Variants in XIST observed in about 807,000 individuals in gnomAD.
XIST encodes the protein X inactive specific transcript.
chrX:73,840,885 T>G lies in XIST; in HGVS notation n.11342+497A>C, dbSNP rs147209476. Among the ~76,000 whole-genome samples, 723 of 111,608 alleles carry G rather than the reference T, an allele frequency of 6.5e-3. 9 individuals carry two copies. The highest frequency in any genetic ancestry group is 0.022 in the African/African-American group (679 of 30,809). On this transcript the variant is annotated intron_variant and non_coding_transcript_variant, in intron 1 of 5. Coordinates refer to ENST00000429829, the Ensembl canonical transcript of XIST. ...ACAAATGAAATTAAAATAAACCAAC[T>G]GGACTATCCAGATGGCTGCAATATT...
At chrX:73,828,196 C>T in intron 5 of XIST, 1 of 358,656 alleles carries the variant, frequency 2.8e-6, no homozygotes, top group Non-Finnish European at 4.8e-6. Flanking sequence ...AACACAGATG[C>T]TCTTCTATTT....
At chrX:73,844,782 C>T (rs374931330) in exon 1 of XIST, 33 of 555,119 alleles carry the variant, frequency 5.9e-5, no homozygotes, top group Non-Finnish European at 1.0e-4. Context: ...GAGAGTAAGG[C>T]CTTATTCAGA....
exon 1 of XIST, chrX:73,847,399 T>A (rs763235780): frequency 2.0e-6 from 1 of 508,506 alleles, no homozygotes; most frequent in African/African-American, 2.4e-5. Flanking sequence ...AGGGCAATTG[T>A]CTTACTTTTT....
At position 73,826,397 on chromosome X, in the gene XIST, T is replaced by C. The variant is rs1474025528; in HGVS notation, n.13504A>G. 7.2e-6 allele frequency: 4 copies of C among 556,849 alleles called. No homozygotes were observed. The Admixed American group carries it at 8.9e-5, about 12-fold the overall frequency. The allele number at this position is 556,849 out of a possible 1,213,427, so 45.9% of individuals were successfully genotyped here. Reference sequence around the variant, plus strand: ...ATTAGATACTGACTGGATTTTGGTGTCTCTCTCAAGTGGAGAAGATGTGAA... The same window carrying C: ...ATTAGATACTGACTGGATTTTGGTGCCTCTCTCAAGTGGAGAAGATGTGAA... On this transcript the variant is annotated non_coding_transcript_exon_variant, in exon 6 of 6. Transcript: ENST00000429829.
At chrX:73,825,185 A>T (rs747784047) in exon 6 of XIST, 3 of 551,248 alleles carry the variant, frequency 5.4e-6, no homozygotes, top group Non-Finnish European at 9.8e-6. Flanking sequence ...TATATTTTAA[A>T]GTTTAAAAGC....
exon 1 of XIST, chrX:73,842,589 T>G (rs746342549): frequency 9.0e-6 from 5 of 556,668 alleles, no homozygotes; most frequent in Non-Finnish European, 1.3e-5. Flanking sequence ...TAGGGAGATC[T>G]TGGACTGATG....
chrX:73,835,588 C>CA (rs1380259586), intron 2 of XIST, among the ~76,000 whole-genome samples: 2 of 112,272 alleles, frequency 1.8e-5, no homozygotes, highest in African/African-American at 6.5e-5. Context: ...TGTAGGCAAA[C>CA]AGATTTCATT....
At chrX:73,821,525 G>A in exon 6 of XIST, 1 of 558,030 alleles carries the variant, frequency 1.8e-6, no homozygotes, top group South Asian at 2.2e-5. Flanking sequence ...AACTAGTGAG[G>A]ACAAAGGATT....
chrX:73,847,343 G>C (rs1236533962), exon 1 of XIST: 1 of 523,991 alleles, frequency 1.9e-6, no homozygotes, highest in Non-Finnish European at 3.4e-6. Flanking sequence ...TAGCTAGTTA[G>C]CACTCCTGCT....
At chrX:73,825,137 T>C (rs1462797783) in exon 6 of XIST, 18 of 520,067 alleles carry the variant, frequency 3.5e-5, no homozygotes, top group Admixed American at 7.8e-5. Flanking sequence ...TGGCACATTA[T>C]AGGTGACCAC....
At chrX:73,823,179 TA>T in exon 6 of XIST, 2 of 552,014 alleles carry the variant, frequency 3.6e-6, no homozygotes, top group Non-Finnish European at 6.5e-6. Flanking sequence ...GTTAATGAAT[TA>T]AAGAACAAAC....
At chrX:73,840,131 G>A (rs919860302) in intron 1 of XIST, among the ~76,000 whole-genome samples, 3 of 111,591 alleles carry the variant, frequency 2.7e-5, no homozygotes, top group African/African-American at 9.8e-5. Flanking sequence ...TGTTAAGTCA[G>A]TGTTCCTCAA....
exon 1 of XIST, chrX:73,846,401 T>C (rs749304475): frequency 5.4e-6 from 3 of 553,655 alleles, no homozygotes; most frequent in Non-Finnish European, 9.7e-6. Flanking sequence ...GACTGAGGTA[T>C]GTGGAGAGGA....
At chrX:73,823,347 G>A (rs1307333171) in exon 6 of XIST, 3 of 488,127 alleles carry the variant, frequency 6.1e-6, no homozygotes, top group Non-Finnish European at 1.1e-5. Flanking sequence ...GCAATTGAGT[G>A]GGTCTTCTGG....
At chrX:73,828,268 C>T (rs1017561469) in intron 5 of XIST, 2 of 271,103 alleles carry the variant, frequency 7.4e-6, no homozygotes, top group Middle Eastern at 1.2e-3. Flanking sequence ...TGCCTGCTAC[C>T]TGATAGTGCT....
exon 1 of XIST, chrX:73,848,072 C>G (rs1056096867): frequency 8.9e-6 from 5 of 558,802 alleles, no homozygotes; most frequent in Non-Finnish European, 1.6e-5. Flanking sequence ...GGGACAAATG[C>G]AAGTAGCACA....
At chrX:73,827,069 TCAAAC>T in exon 6 of XIST, 1 of 558,761 alleles carries the variant, frequency 1.8e-6, no homozygotes, top group African/African-American at 2.2e-5. Flanking sequence ...GTCTCAAGTC[TCAAAC>T]CATCTGTCTT....
intron 5 of XIST, chrX:73,828,015 AT>A (rs1259026808): frequency 8.3e-6 from 4 of 483,045 alleles, no homozygotes; most frequent in African/African-American, 7.2e-5. Flanking sequence ...AAAGGCAGAC[AT>A]TCAGAGGAAG....
chrX:73,844,074 C>A (rs1312644279), exon 1 of XIST: 2 of 556,672 alleles, frequency 3.6e-6, no homozygotes, highest in Non-Finnish European at 6.5e-6. Flanking sequence ...ATGTAAAGAT[C>A]ATAAGGAGTG....
Sources: gnomAD v4.1 joint callset for allele counts (sites outside exome capture counted in the v4.1 genomes callset) on GRCh38, gnomAD v4.1.1 for gene constraint, MANE v1.5 for transcripts, NCBI Gene and HGNC (gene_info 2026-07-23, HGNC 2026-07-21) for gene names.